The following KDM4C variants were observed in gnomAD, a reference collection of about 807,000 sequenced individuals.
KDM4C encodes lysine demethylase 4C, also known as lysine-specific demethylase 4C.
KDM4C carries 81 observed loss-of-function variants against 129.3 expected under a neutral mutation model. That is an observed-to-expected ratio of 0.63 (90% confidence interval 0.52 to 0.75). The LOEUF is 0.75. Among genes scored for constraint, KDM4C ranks in the 30% least tolerant of loss-of-function variants. The pLI is 0.00. For synonymous variants in KDM4C, 573 were observed against 456.1 expected, an observed-to-expected ratio of 1.26 and a Z score of -3.26; for missense variants, 1,457 against 1,304.0, an observed-to-expected ratio of 1.12 and a Z score of -1.81.
chr9:6,744,963 G>A (rs895186428), intron 1 of KDM4C, among the ~76,000 whole-genome samples: 4 of 152,228 alleles, frequency 2.6e-5, no homozygotes, highest in African/African-American at 7.2e-5. Context: ...TGCACGGCCA[G>A]CCCTCTTCCT....
intron 19 of KDM4C, among the ~76,000 whole-genome samples, chr9:7,154,545 A>G (rs940257145): frequency 1.2e-4 from 18 of 152,330 alleles, no homozygotes; most frequent in African/African-American, 4.3e-4. Context: ...AAGAGTTCCA[A>G]GAACTCAGTG....
At chr9:7,124,990 C>G (rs1350364289) in intron 18 of KDM4C, among the ~76,000 whole-genome samples, 1 of 152,162 alleles carries the variant, frequency 6.6e-6, no homozygotes, top group Non-Finnish European at 1.5e-5. Context: ...CTAAGCTCCA[C>G]CAGCCCCTTG....
At chr9:6,990,599 CT>C (rs1818567908) in intron 12 of KDM4C, 75 bp downstream of exon 12, 1 of 937,764 alleles carries the variant, frequency 1.1e-6, no homozygotes, top group Non-Finnish European at 1.6e-6. Flanking sequence ...AAAAAAATTG[CT>C]GAATAGAAAA....
intron 1 of KDM4C, among the ~76,000 whole-genome samples, chr9:6,745,632 A>C (rs553859105): frequency 6.6e-6 from 1 of 150,676 alleles, no homozygotes; most frequent in African/African-American, 2.4e-5. Flanking sequence ...ATGTTACATT[A>C]CATTATATTT....
chr9:6,795,923 T>A (rs1827659944), intron 2 of KDM4C, among the ~76,000 whole-genome samples: 1 of 152,132 alleles, frequency 6.6e-6, no homozygotes. Context: ...CTGCCCGCTT[T>A]GGCCTCCCAA....
chr9:6,721,877 C>T (rs914064568), intron 1 of KDM4C, among the ~76,000 whole-genome samples: 6 of 152,078 alleles, frequency 3.9e-5, no homozygotes, highest in East Asian at 1.9e-4. Context: ...CTTGAGCCAC[C>T]GCGCCTGGCC....
chr9:7,018,829 C>T (rs967782665), intron 15 of KDM4C, among the ~76,000 whole-genome samples: 2 of 152,222 alleles, frequency 1.3e-5, no homozygotes, highest in Non-Finnish European at 2.9e-5. Context: ...AGACTTAAAG[C>T]ATCTTTCTAT....
At chr9:7,012,812 A>G (rs1274637512) in intron 13 of KDM4C, among the ~76,000 whole-genome samples, 1 of 152,182 alleles carries the variant, frequency 6.6e-6, no homozygotes, top group Non-Finnish European at 1.5e-5. Context: ...TGACATGAAC[A>G]TTGTGTTTTG....
intron 8 of KDM4C, chr9:6,925,628 C>G (rs1822351407): frequency 1.0e-6 from 1 of 985,400 alleles, no homozygotes; most frequent in Non-Finnish European, 1.2e-6. Flanking sequence ...GGCTTGTTTA[C>G]CATCAGCCCT....
Position 7,169,870 on chromosome 9 carries a change from A to G in KDM4C, c.2974A>G (p.Lys992Glu). 1.9e-6 allele frequency: 3 copies of G among 1,614,078 alleles called. No individual in the cohort carries two copies. Among genetic ancestry groups the G allele is most frequent in the Non-Finnish European group, 2.5e-6 (3 of 1,179,932 alleles). The part of the protein sequence containing the change: ...DIYTLDEELP[K>E]RVKARFSTAS... ...CTACACTTTAGATGAAGAGTTACCCAAGAGAGTGAAAGCTCGATTTGTAAG... is the reference window on the plus strand; with the variant it reads ...CTACACTTTAGATGAAGAGTTACCCGAGAGAGTGAAAGCTCGATTTGTAAG... Residue 992 changes from lysine (K) to glutamate (E), a missense_variant, in exon 21 of 22, where the codon AAG becomes GAG. By Grantham distance (56) the Lys-to-Glu change is moderately conservative. Transcript: ENST00000381309.
At chr9:6,966,622 G>C (rs144879225) in intron 8 of KDM4C, among the ~76,000 whole-genome samples, 413 of 152,090 alleles carry the variant, frequency 2.7e-3, no homozygotes, top group African/African-American at 9.2e-3. Flanking sequence ...TCTAGTTCTT[G>C]GTTTACGTCT....
chr9:7,020,424 T>C (rs908097189), intron 15 of KDM4C, among the ~76,000 whole-genome samples: 1 of 152,256 alleles, frequency 6.6e-6, no homozygotes, highest in East Asian at 1.9e-4. Context: ...GTTTGACTTA[T>C]GGCTTATAAA....
chr9:7,157,138 G>C (rs1564189335), intron 19 of KDM4C, among the ~76,000 whole-genome samples: 2 of 152,144 alleles, frequency 1.3e-5, no homozygotes, highest in Non-Finnish European at 2.9e-5. Context: ...GTTCACCCAT[G>C]ATTTGGCTCT....
At position 7,117,073 on chromosome 9, in the gene KDM4C, G is replaced by A. The variant is rs78744096; in HGVS notation, c.2611-10993G>A. The stretch of plus-strand genomic sequence containing the variant: ...TGATTATACCCATGTGACAGGTTAT[G>A]AAATTGAATTTCAGAGAGGTTCAAC... On this transcript the variant is annotated intron_variant, in intron 18 of 21. Transcript: ENST00000381309. Among the ~76,000 whole-genome samples the A allele has an allele frequency of 9.2e-3, 1,394 of 152,220 alleles. 55 individuals are homozygous for A. Among genetic ancestry groups the A allele is most frequent in the Admixed American group, 0.065 (993 of 15,300 alleles).
intron 4 of KDM4C, among the ~76,000 whole-genome samples, chr9:6,844,527 A>G (rs1220616961): frequency 6.6e-6 from 1 of 152,216 alleles, no homozygotes; most frequent in Non-Finnish European, 1.5e-5. Context: ...TGTTATACAA[A>G]CAAGCTTCCG....
chr9:7,164,151 C>T (rs960919891), intron 19 of KDM4C, among the ~76,000 whole-genome samples: 6 of 152,254 alleles, frequency 3.9e-5, no homozygotes, highest in Non-Finnish European at 7.3e-5. Context: ...AGATTGTCCT[C>T]ATCAGTAAAA....
intron 19 of KDM4C, among the ~76,000 whole-genome samples, chr9:7,140,067 G>A (rs144841096): frequency 6.6e-6 from 1 of 152,230 alleles, no homozygotes; most frequent in East Asian, 1.9e-4. Flanking sequence ...ATTCCTTCTC[G>A]TCACTCCTGA....
chr9:6,974,649 C>T (rs757366414), intron 8 of KDM4C: 16 of 152,346 alleles, frequency 1.1e-4, no homozygotes, highest in Admixed American at 3.3e-4. Flanking sequence ...TGACCCACCG[C>T]ACCCTGCCTG....
chr9:6,974,514 T>C (rs1298164308), intron 8 of KDM4C, among the ~76,000 whole-genome samples: 2 of 152,156 alleles, frequency 1.3e-5, no homozygotes, highest in East Asian at 1.9e-4. Context: ...TGTGCCACCA[T>C]GCCTGAGTAA....
Sources: gnomAD v4.1 joint callset for allele counts (sites outside exome capture counted in the v4.1 genomes callset) on GRCh38, gnomAD v4.1.1 for gene constraint, MANE v1.5 for transcripts, NCBI Gene and HGNC (gene_info 2026-07-23, HGNC 2026-07-21) for gene names.